The following NPAS3 variants were observed in gnomAD, a reference collection of about 807,000 sequenced individuals.
NPAS3 encodes neuronal PAS domain protein 3, also known as neuronal PAS domain-containing protein 3.
A neutral mutation model predicts 73.1 loss-of-function variants in NPAS3; 14 were observed. The observed-to-expected ratio is 0.19, with a 90% CI of 0.13 to 0.30. NPAS3 has a LOEUF of 0.30. Among genes scored for constraint, NPAS3 ranks in the 10% least tolerant of loss-of-function variants. The probability of loss-of-function intolerance (pLI) is 1.00; values close to 1 mark genes in which losing one functional copy is unlikely to be tolerated. For missense variants in NPAS3, 1,096 were observed against 1,250.0 expected, an observed-to-expected ratio of 0.88 and a Z score of 1.86; for synonymous variants, 620 against 541.5, an observed-to-expected ratio of 1.14 and a Z score of -2.01.
intron 1 of NPAS3, among the ~76,000 whole-genome samples, chr14:32,999,734 T>G (rs1342561930): frequency 6.6e-6 from 1 of 152,168 alleles, no homozygotes; most frequent in East Asian, 1.9e-4. Flanking sequence ...GAAAAATCTG[T>G]TAGTGATGTA....
intron 2 of NPAS3, among the ~76,000 whole-genome samples, chr14:33,110,178 T>G (rs1167492197): frequency 6.6e-6 from 1 of 152,170 alleles, no homozygotes; most frequent in African/African-American, 2.4e-5. Context: ...TATGTTATTA[T>G]TTGAATACTT....
intron 2 of NPAS3, among the ~76,000 whole-genome samples, chr14:33,158,892 G>C (rs1459815873): frequency 1.3e-5 from 2 of 152,248 alleles, no homozygotes; most frequent in African/African-American, 4.8e-5. Flanking sequence ...GCCGGGCGCA[G>C]TGGCTAATGC....
At chr14:33,446,330 C>T (rs915978527) in intron 4 of NPAS3, among the ~76,000 whole-genome samples, 31 of 151,340 alleles carry the variant, frequency 2.0e-4, no homozygotes, top group African/African-American at 6.6e-4. Flanking sequence ...CGCCCGCCAC[C>T]GCGCCCGGCT....
chr14:33,737,133 T>G (rs973256623), intron 7 of NPAS3, among the ~76,000 whole-genome samples: 61 of 152,258 alleles, frequency 4.0e-4, no homozygotes, highest in Admixed American at 3.6e-3. Context: ...CCATACCACA[T>G]GCACTTCACC....
At chr14:33,392,413 T>C (rs1263503015) in intron 4 of NPAS3, among the ~76,000 whole-genome samples, 1 of 152,152 alleles carries the variant, frequency 6.6e-6, no homozygotes, top group African/African-American at 2.4e-5. Context: ...AGCTAGTAAA[T>C]GATGAATATA....
intron 1 of NPAS3, among the ~76,000 whole-genome samples, chr14:32,968,663 A>G (rs927123498): frequency 9.2e-5 from 14 of 152,096 alleles, no homozygotes; most frequent in Non-Finnish European, 1.5e-5. Context: ...TATCTAACAC[A>G]ATCTCTGAGG....
At chr14:33,308,252 A>G (rs1255061634) in intron 3 of NPAS3, among the ~76,000 whole-genome samples, 1 of 152,060 alleles carries the variant, frequency 6.6e-6, no homozygotes, top group Non-Finnish European at 1.5e-5. Flanking sequence ...CATACCGTAC[A>G]TTACTGGTGT....
At chr14:33,545,326 C>T (rs936211646) in intron 4 of NPAS3, among the ~76,000 whole-genome samples, 1 of 152,160 alleles carries the variant, frequency 6.6e-6, no homozygotes, top group Non-Finnish European at 1.5e-5. Context: ...CAATTACTAG[C>T]AGACATTCTT....
chr14:32,977,646 C>T (rs1167920434), intron 1 of NPAS3, among the ~76,000 whole-genome samples: 1 of 152,106 alleles, frequency 6.6e-6, no homozygotes, highest in Non-Finnish European at 1.5e-5. Context: ...GCGGGAGGAT[C>T]ACTTGAGCCC....
At chr14:33,250,629 A>C (rs1021847575) in intron 3 of NPAS3, among the ~76,000 whole-genome samples, 7 of 152,128 alleles carry the variant, frequency 4.6e-5, no homozygotes, top group African/African-American at 1.7e-4. Context: ...AGGATCCATC[A>C]GTTATATTTA....
At chr14:33,242,695 C>G (rs909854569) in intron 3 of NPAS3, among the ~76,000 whole-genome samples, 1 of 152,030 alleles carries the variant, frequency 6.6e-6, no homozygotes, top group African/African-American at 2.4e-5. Context: ...CTCTTGATAG[C>G]TTTTCAGTTC....
chr14:33,185,274 C>T lies in NPAS3; in HGVS notation c.141-29908C>T, dbSNP rs531857057. Among the ~76,000 whole-genome samples, 170 of 152,268 alleles carry T rather than the reference C, an allele frequency of 1.1e-3. 1 individual carries two copies. Among genetic ancestry groups the T allele is most frequent in the Non-Finnish European group, 2.2e-3 (150 of 68,034 alleles). On this transcript the variant is annotated intron_variant, in intron 2 of 11. Transcript: ENST00000356141. ...CTATTTTCTTATCCCATATTTGTGG[C>T]GTTATCTGCCTTTTTTCTCCTTGAG...
chr14:33,301,306 T>TTG (rs1555370609), intron 3 of NPAS3, among the ~76,000 whole-genome samples: 1 of 81,146 alleles, frequency 1.2e-5, no homozygotes, highest in South Asian at 3.3e-4. Context: ...GGTTTTATCA[T>TTG]TATATATATA....
At chr14:33,544,169 G>C (rs2054672012) in intron 4 of NPAS3, among the ~76,000 whole-genome samples, 1 of 151,624 alleles carries the variant, frequency 6.6e-6, no homozygotes, top group South Asian at 2.1e-4. Flanking sequence ...TAGAGACAGG[G>C]TCTCACTCTG....
At chr14:33,353,426 A>G (rs980463028) in intron 3 of NPAS3, among the ~76,000 whole-genome samples, 3 of 152,224 alleles carry the variant, frequency 2.0e-5, no homozygotes, top group Non-Finnish European at 4.4e-5. Context: ...AGCAATTCCA[A>G]GTAACTCCTC....
intron 1 of NPAS3, among the ~76,000 whole-genome samples, chr14:33,021,584 C>T: frequency 6.6e-6 from 1 of 152,010 alleles, no homozygotes; most frequent in East Asian, 1.9e-4. Flanking sequence ...ATGTGTGCAC[C>T]CACCCCCTTG....
intron 2 of NPAS3, among the ~76,000 whole-genome samples, chr14:33,062,829 A>C (rs1321223155): frequency 6.6e-6 from 1 of 152,236 alleles, no homozygotes; most frequent in Non-Finnish European, 1.5e-5. Context: ...CAGCAAACTT[A>C]AACTGTGGTT....
rs527910396 is a variant in NPAS3, at chr14:33,749,236, A to G, written c.852+13904A>G. Among the ~76,000 whole-genome samples, 31 of 152,326 alleles carry G rather than the reference A, an allele frequency of 2.0e-4. 2 individuals carry two copies. The South Asian group carries it at 6.4e-3, about 32-fold the overall frequency. On this transcript the variant is annotated intron_variant, in intron 7 of 11. Transcript: ENST00000356141. ...CTTTTCCTCACTAACTTTAAACACA[A>G]TATAGATTCACCCCTCTGTTTATGC... is the stretch of plus-strand genomic sequence containing the variant.
intron 3 of NPAS3, among the ~76,000 whole-genome samples, chr14:33,351,122 A>T (rs35470310): frequency 6.6e-6 from 1 of 152,070 alleles, no homozygotes; most frequent in African/African-American, 2.4e-5. Context: ...TAGTTTTAAA[A>T]AACTCAAAAT....
Sources: gnomAD v4.1 joint callset for allele counts (sites outside exome capture counted in the v4.1 genomes callset) on GRCh38, gnomAD v4.1.1 for gene constraint, MANE v1.5 for transcripts, NCBI Gene and HGNC (gene_info 2026-07-23, HGNC 2026-07-21) for gene names.